Variants in SULT6B1 observed in about 807,000 individuals in gnomAD.
SULT6B1 encodes sulfotransferase 6B1.
A neutral mutation model predicts 37.2 loss-of-function variants in SULT6B1; 44 were observed. The observed-to-expected ratio is 1.18, with a 90% CI of 0.93 to 1.52. The LOEUF (loss-of-function observed/expected upper bound fraction) is 1.52. Ranked by LOEUF, SULT6B1 falls within the 40% of genes most tolerant of loss-of-function variation. The probability of loss-of-function intolerance (pLI) is 0.00; values close to 1 mark genes in which losing one functional copy is unlikely to be tolerated. For synonymous variants in SULT6B1, 140 were observed against 126.0 expected (o/e 1.11, Z -0.74); for missense variants, 450 against 361.0 (o/e 1.25, Z -2.00).
At chr2:37,183,552 G>GCACA in intron 2 of SULT6B1, 38 bp from the exon 3 acceptor site, 1 of 1,452,742 alleles carries the variant, frequency 6.9e-7, no homozygotes, top group Non-Finnish European at 9.7e-7. Flanking sequence ...ATGTGCACGT[G>GCACA]TGTGCATGTG....
At chr2:37,175,838 T>C (rs1676412770) in intron 4 of SULT6B1, among the ~76,000 whole-genome samples, 1 of 152,238 alleles carries the variant, frequency 6.6e-6, no homozygotes, top group Admixed American at 6.5e-5. Flanking sequence ...GCTAAATTTT[T>C]ATTGAAAATA....
intron 5 of SULT6B1, among the ~76,000 whole-genome samples, chr2:37,173,451 T>C (rs1676349218): frequency 6.6e-6 from 1 of 152,208 alleles, no homozygotes; most frequent in African/African-American, 2.4e-5. Flanking sequence ...AAATTTTATC[T>C]ACGGCCCAGA....
At chr2:37,193,840 G>A (rs2148305134) in intron 1 of SULT6B1, among the ~76,000 whole-genome samples, 1 of 152,276 alleles carries the variant, frequency 6.6e-6, no homozygotes, top group South Asian at 2.1e-4. Context: ...CATCTTTCTA[G>A]TCATTTGCAT....
rs377354297 is a variant in SULT6B1 at position 37,187,491 on chromosome 2, A to G, written c.200-24T>C. 37 of 1,457,452 alleles carry G rather than the reference A, an allele frequency of 2.5e-5. No individual in the cohort carries two copies. In the African/African-American group the frequency reaches 3.6e-4, roughly 14 times the overall value. The allele number at this position is 1,457,452 out of a possible 1,614,324, so 90.3% of individuals were successfully genotyped here. On this transcript the variant is annotated intron_variant, in intron 1 of 6. Transcript: ENST00000535679. The stretch of plus-strand genomic sequence containing the variant: ...ACCTATCAGAAAAATCAGAGAATAA[A>G]AACTCATTACGGAGTCTTGATATAA...
chr2:37,188,726 G>A (rs1676725920), upstream of SULT6B1: 2 of 573,232 alleles, frequency 3.5e-6, no homozygotes, highest in Non-Finnish European at 6.2e-6. Context: ...CTGGAATAAA[G>A]GGCTCCTCCC....
chr2:37,171,490 A>G lies in SULT6B1; in HGVS notation c.725T>C (p.Met242Thr), dbSNP rs1234816819. ...TISVQSTFQA[M>T]RAKSQDTHGA... ...GTGTGTGTCCTGAGACTTCGCACGC[A>G]TGGCTTGGAAGGTGCTCTGGACTGA... Residue 242 changes from methionine to threonine, a missense_variant, in exon 6 of 7, where the codon ATG (methionine) becomes ACG (threonine). Transcript: ENST00000535679. The G allele has an allele frequency of 3.1e-6, 5 of 1,614,226 alleles. No homozygotes were observed. Among genetic ancestry groups the G allele is most frequent in the South Asian group, 1.1e-5 (1 of 91,066 alleles).
intron 3 of SULT6B1, 115 bp downstream of exon 3, chr2:37,183,310 G>A (rs1220689677): frequency 5.0e-6 from 4 of 801,396 alleles, no homozygotes; most frequent in Admixed American, 5.0e-5. Context: ...AAAACTAAAT[G>A]TCACAGTTCA....
At chr2:37,193,539 T>C (rs1676823659), upstream of SULT6B1, among the ~76,000 whole-genome samples, 1 of 148,848 alleles carries the variant, frequency 6.7e-6, no homozygotes, top group Admixed American at 6.7e-5. Context: ...TTTTCCTTTG[T>C]TTTTTTCCAG....
At chr2:37,178,186 A>C (rs1676471405) in intron 4 of SULT6B1, among the ~76,000 whole-genome samples, 1 of 152,100 alleles carries the variant, frequency 6.6e-6, no homozygotes, top group South Asian at 2.1e-4. Flanking sequence ...CTGAGATTAC[A>C]GGCATGAGAC....
At chr2:37,177,944 C>G (rs74918030) in intron 4 of SULT6B1, among the ~76,000 whole-genome samples, 3,621 of 152,288 alleles carry the variant, frequency 0.024, 65 homozygotes, top group Middle Eastern at 0.054. Flanking sequence ...TTACACCGTA[C>G]AGACTCAAAA....
At chr2:37,184,454 T>C (rs116674227) in intron 2 of SULT6B1, among the ~76,000 whole-genome samples, 206 of 152,304 alleles carry the variant, frequency 1.4e-3, no homozygotes, top group Middle Eastern at 3.4e-3. Context: ...GGATTAAGGG[T>C]TTTCACTTAC....
At chr2:37,176,372 G>A (rs567190619) in intron 4 of SULT6B1, among the ~76,000 whole-genome samples, 1 of 139,742 alleles carries the variant, frequency 7.2e-6, no homozygotes, top group South Asian at 2.2e-4. Context: ...AAGCAATTCT[G>A]TCTCAGTCTC....
chr2:37,183,421 T>A lies in SULT6B1; in HGVS notation c.402+4A>T. The A allele has an allele frequency of 8.1e-6, 13 of 1,611,636 alleles. No individual in the cohort carries two copies. Among genetic ancestry groups the A allele is most frequent in the Non-Finnish European group, 1.1e-5 (13 of 1,177,856 alleles). On this transcript the variant is annotated splice_donor_region_variant and intron_variant, in intron 3 of 6. Transcript: ENST00000535679. ...AAGAATTATCAGTAGGAAAGGACAC[T>A]CACCTTGGCTTTATTCTCGAAGATA...
chr2:37,175,332 G>A (rs1676402398), intron 4 of SULT6B1, 106 bp from the exon 5 acceptor site: 5 of 473,368 alleles, frequency 1.1e-5, no homozygotes, highest in South Asian at 7.9e-5. Context: ...GTATATGCTC[G>A]AGATATCTTT....
In SULT6B1 at chr2:37,193,744, T is replaced by C. The variant is rs571808402; in HGVS notation, c.-22+2772A>G. On this transcript the variant is annotated intron_variant, in intron 1 of 7. Coordinates refer to the SULT6B1 transcript ENST00000407963. ...ATGGGAGAATGGACAGCAAACCTAG[T>C]ACATATTTGTTAAAGTGGAGGTCCC... Among the ~76,000 whole-genome samples, 56 of 152,276 alleles carry C rather than the reference T, an allele frequency of 3.7e-4. 1 individual carries two copies. The highest frequency in any genetic ancestry group is 1.3e-3 in the African/African-American group (52 of 41,548).
In SULT6B1 at chr2:37,167,872, T is replaced by A; in HGVS notation, c.*63A>T. 1 of 1,367,466 alleles carries A rather than the reference T, an allele frequency of 7.3e-7. No homozygotes were observed. The highest frequency in any genetic ancestry group is 9.7e-7 in the Non-Finnish European group (1 of 1,025,642). 84.7% of individuals were successfully genotyped at this position (1,367,466 alleles called of 1,614,324 possible). On this transcript the variant is annotated 3_prime_UTR_variant, in exon 7 of 7. Transcript: ENST00000535679. ...TTTGATTATTTGATTGAATTATCAT[T>A]TAATTATTTACACTTAATTATTATT... is the stretch of plus-strand genomic sequence containing the variant.
chr2:37,189,299 A>G (rs1676736938), upstream of SULT6B1, among the ~76,000 whole-genome samples: 1 of 152,242 alleles, frequency 6.6e-6, no homozygotes, highest in Non-Finnish European at 1.5e-5. Context: ...GGTCTGCAGT[A>G]ACCTCAATTC....
At chr2:37,193,636 GAA>G, upstream of SULT6B1, among the ~76,000 whole-genome samples, 1 of 150,794 alleles carries the variant, frequency 6.6e-6, no homozygotes, top group African/African-American at 2.4e-5. Context: ...AGAAGAAGAA[GAA>G]GAAGAAGAAG....
intron 3 of SULT6B1, among the ~76,000 whole-genome samples, chr2:37,180,165 C>T (rs115536707): frequency 2.6e-5 from 4 of 152,308 alleles, no homozygotes; most frequent in African/African-American, 9.6e-5. Context: ...GAGGATCACA[C>T]GTCTGCTCTG....
Sources: allele counts gnomAD v4.1 joint callset (sites outside exome capture counted in the v4.1 genomes callset), GRCh38; gene constraint gnomAD v4.1.1; transcripts MANE v1.5; gene names NCBI Gene and HGNC (gene_info 2026-07-23, HGNC 2026-07-21).